MAPKAP1: variants seen among roughly 807,000 people sequenced by gnomAD.
The protein encoded by MAPKAP1 is MAPK associated protein 1.
In MAPKAP1, 20 loss-of-function variants were observed where a neutral mutation model predicts 65.7. The ratio of observed to expected loss-of-function variants is 0.30; its 90% confidence interval spans 0.21 to 0.44. MAPKAP1 has a LOEUF of 0.44. Among genes scored for constraint, MAPKAP1 ranks in the 20% least tolerant of loss-of-function variants. The pLI, the probability that MAPKAP1 is intolerant of heterozygous loss-of-function variation, is 1.00. For missense variants in MAPKAP1, 423 were observed against 648.0 expected (o/e 0.65, Z 3.77); for synonymous variants, 222 against 244.3 (o/e 0.91, Z 0.85).
intron 5 of MAPKAP1, among the ~76,000 whole-genome samples, chr9:125,580,991 T>G (rs985161014): frequency 1.3e-5 from 2 of 152,250 alleles, no homozygotes; most frequent in African/African-American, 4.8e-5. Context: ...GAGATTGGTT[T>G]TTTTCACTAC....
At chr9:125,443,558 G>A (rs1852575674) in intron 11 of MAPKAP1, among the ~76,000 whole-genome samples, 1 of 152,098 alleles carries the variant, frequency 6.6e-6, no homozygotes, top group African/African-American at 2.4e-5. Context: ...GCGCTTCTTG[G>A]AAACGTATGA....
At chr9:125,476,596 AC>A (rs1339966460) in intron 9 of MAPKAP1, among the ~76,000 whole-genome samples, 1 of 152,112 alleles carries the variant, frequency 6.6e-6, no homozygotes, top group Non-Finnish European at 1.5e-5. Context: ...GCCACCCAGA[AC>A]CATGTTTAGC....
At chr9:125,491,701 A>G (rs1294231574) in intron 8 of MAPKAP1, among the ~76,000 whole-genome samples, 1 of 151,926 alleles carries the variant, frequency 6.6e-6, no homozygotes, top group Non-Finnish European at 1.5e-5. Flanking sequence ...GGATCGCTTG[A>G]GCCTAGGAGG....
At chr9:125,482,269 C>T (rs1854349656) in intron 9 of MAPKAP1, among the ~76,000 whole-genome samples, 1 of 152,084 alleles carries the variant, frequency 6.6e-6, no homozygotes, top group African/African-American at 2.4e-5. Context: ...AGAAAACAGA[C>T]CCTTTCCAGC....
rs536411664 is a variant in MAPKAP1 at position 125,703,174 on chromosome 9, G to A, written c.-70+3797C>T. Among the ~76,000 whole-genome samples, 4 of 152,126 alleles carry A rather than the reference G, an allele frequency of 2.6e-5. 1 individual carries two copies. The highest frequency in any genetic ancestry group is 4.1e-4 in the South Asian group (2 of 4,828). ...CAACTGCTCCCTTTAGTTTGGGCCCGTGCTCTCCAGTTCATCAAGGCCCAG... is the reference window on the plus strand; with the variant it reads ...CAACTGCTCCCTTTAGTTTGGGCCCATGCTCTCCAGTTCATCAAGGCCCAG... On this transcript the variant is annotated intron_variant, in intron 1 of 11. Transcript: ENST00000265960.
intron 10 of MAPKAP1, among the ~76,000 whole-genome samples, chr9:125,445,679 G>C (rs1018595754): frequency 1.3e-5 from 2 of 152,244 alleles, no homozygotes; most frequent in Non-Finnish European, 2.9e-5. Flanking sequence ...TGTCTAAACT[G>C]GCACAAGGAC....
At chr9:125,512,642 C>T (rs1406970647) in intron 7 of MAPKAP1, among the ~76,000 whole-genome samples, 2 of 151,966 alleles carry the variant, frequency 1.3e-5, no homozygotes, top group East Asian at 1.9e-4. Context: ...AGTGCAGTGG[C>T]GCAATCTCGG....
chr9:125,693,409 C>T (rs1298673393), intron 1 of MAPKAP1, among the ~76,000 whole-genome samples: 1 of 115,948 alleles, frequency 8.6e-6, no homozygotes, highest in Non-Finnish European at 1.8e-5. Flanking sequence ...AGCGAAATTC[C>T]GCCTCAAAAA....
At chr9:125,503,221 T>G (rs1829036629) in intron 8 of MAPKAP1, among the ~76,000 whole-genome samples, 1 of 152,228 alleles carries the variant, frequency 6.6e-6, no homozygotes, top group African/African-American at 2.4e-5. Context: ...TACTGATATA[T>G]CTGGGTTTAA....
intron 3 of MAPKAP1, among the ~76,000 whole-genome samples, chr9:125,661,017 T>C (rs1315093261): frequency 6.6e-6 from 1 of 152,122 alleles, no homozygotes; most frequent in Non-Finnish European, 1.5e-5. Flanking sequence ...AATATGTAAA[T>C]ATTCTAAAAG....
chr9:125,502,825 C>T lies in MAPKAP1; in HGVS notation c.1066+3485G>A, dbSNP rs547074441. Among the ~76,000 whole-genome samples, 8 of 152,260 alleles carry T rather than the reference C, an allele frequency of 5.3e-5. No individual in the cohort carries two copies. In the East Asian group the frequency reaches 1.3e-3, roughly 26 times the overall value. On this transcript the variant is annotated intron_variant, in intron 8 of 11. Transcript: ENST00000265960. ...AAGTTTAACTGTTGTTTTAAGTTTT[C>T]TCTATTATACATTTTTAAAAAATGT...
intron 7 of MAPKAP1, among the ~76,000 whole-genome samples, chr9:125,514,062 T>A (rs1829389654): frequency 6.6e-6 from 1 of 152,298 alleles, no homozygotes; most frequent in South Asian, 2.1e-4. Context: ...TGAGCTCACA[T>A]GTCCACCCCA....
chr9:125,628,974 A>G (rs991697672), intron 4 of MAPKAP1, among the ~76,000 whole-genome samples: 9 of 152,078 alleles, frequency 5.9e-5, no homozygotes, highest in Non-Finnish European at 4.4e-5. Context: ...AAGATGCTCA[A>G]CATCACTAAT....
chr9:125,559,859 A>G, intron 5 of MAPKAP1, 50 bp from the exon 6 acceptor site: 1 of 1,562,596 alleles, frequency 6.4e-7, no homozygotes, highest in East Asian at 2.3e-5. Flanking sequence ...GGGAAGGGAC[A>G]AGAAGACCAG....
chr9:125,486,255 A>G (rs548834039), intron 8 of MAPKAP1, among the ~76,000 whole-genome samples: 2 of 152,362 alleles, frequency 1.3e-5, no homozygotes, highest in East Asian at 3.9e-4. Context: ...TACACTAAGC[A>G]AAGTTAAACT....
chr9:125,661,136 C>T (rs971422796), intron 3 of MAPKAP1, among the ~76,000 whole-genome samples: 1 of 152,108 alleles, frequency 6.6e-6, no homozygotes, highest in Non-Finnish European at 1.5e-5. Context: ...CAACCACATT[C>T]ATAAGAGATA....
chr9:125,584,499 C>T (rs1053217890), intron 5 of MAPKAP1, among the ~76,000 whole-genome samples: 4 of 152,078 alleles, frequency 2.6e-5, no homozygotes, highest in East Asian at 3.8e-4. Flanking sequence ...AGTGCAGTGG[C>T]GCGATCTCGG....
intron 4 of MAPKAP1, among the ~76,000 whole-genome samples, chr9:125,644,912 T>C (rs1231630635): frequency 6.6e-6 from 1 of 152,218 alleles, no homozygotes; most frequent in East Asian, 1.9e-4. Flanking sequence ...TAATTGAATA[T>C]GAAAAATGTG....
intron 11 of MAPKAP1, among the ~76,000 whole-genome samples, chr9:125,443,530 C>T (rs910334339): frequency 1.3e-5 from 2 of 152,278 alleles, no homozygotes; most frequent in East Asian, 1.9e-4. Flanking sequence ...CCCAGACCAG[C>T]GGCCAAAGCA....
Sources: allele counts gnomAD v4.1 joint callset (sites outside exome capture counted in the v4.1 genomes callset), GRCh38; gene constraint gnomAD v4.1.1; transcripts MANE v1.5; gene names NCBI Gene and HGNC (gene_info 2026-07-23, HGNC 2026-07-21).